NCAM1: variants seen among roughly 807,000 people sequenced by gnomAD.
The protein encoded by NCAM1 is neural cell adhesion molecule 1, also known as antigen recognized by monoclonal antibody 5.1H11.
Under a neutral mutation model 109.8 loss-of-function variants are expected in NCAM1, and 14 were observed. That is an observed-to-expected ratio of 0.13 (90% CI 0.08 to 0.20). The LOEUF (loss-of-function observed/expected upper bound fraction) is 0.20, where lower values mean the gene tolerates loss of function less well. Ranked by LOEUF, NCAM1 falls within the 10% of genes least tolerant of loss-of-function variation. The pLI is 1.00. For synonymous variants in NCAM1, 418 were observed against 442.9 expected (o/e 0.94, Z 0.70); for missense variants, 774 against 1,109.9 (o/e 0.70, Z 4.30).
chr11:113,219,460 C>T (rs1944624744), intron 8 of NCAM1, among the ~76,000 whole-genome samples: 1 of 152,172 alleles, frequency 6.6e-6, no homozygotes, highest in Non-Finnish European at 1.5e-5. Context: ...GTGTGTAAGA[C>T]AATAAAATAT....
intron 7 of NCAM1, among the ~76,000 whole-genome samples, chr11:113,212,625 T>C (rs536666197): frequency 6.6e-6 from 1 of 152,352 alleles, no homozygotes; most frequent in African/African-American, 2.4e-5. Context: ...GTTTAGCGAA[T>C]TCAGTTGTAT....
chr11:113,117,874 G>C (rs1386830993), intron 1 of NCAM1, among the ~76,000 whole-genome samples: 1 of 151,978 alleles, frequency 6.6e-6, no homozygotes, highest in East Asian at 1.9e-4. Context: ...GGAGGAAAAA[G>C]GAAGACAGAT....
Position 113,205,379 on chromosome 11 carries a change from G to A in NCAM1, c.347-144G>A, listed in dbSNP as rs565570485. 7.0e-5 allele frequency: 72 copies of A among 1,029,966 alleles called. No individual in the cohort carries two copies. The African/African-American group carries it at 7.6e-4, about 11-fold the overall frequency. The allele number at this position is 1,029,966 out of a possible 1,614,324, so 63.8% of individuals were successfully genotyped here. A position where few individuals can be genotyped will look rare whatever the true frequency, so the allele number is the denominator to read the frequency against. On this transcript the variant is annotated intron_variant, in intron 3 of 19. Coordinates refer to ENST00000316851, the MANE Select transcript of NCAM1 (RefSeq NM_181351.5). ...GCTTGGGCCAGCTGCTCTGCCTGAC[G>A]TCTCTGAGGGTGCCCCTCTTATACA...
At chr11:113,077,143 A>AT (rs1938562236) in intron 1 of NCAM1, among the ~76,000 whole-genome samples, 1 of 152,156 alleles carries the variant, frequency 6.6e-6, no homozygotes, top group African/African-American at 2.4e-5. Context: ...GGAACCTGTA[A>AT]TTAGGTGGAG....
rs1950559892 is a variant in NCAM1, at chr11:112,961,583, A to G, written c.-30A>G. 7.2e-7 allele frequency: 1 copy of G among 1,398,158 alleles called. No homozygotes were observed. The highest frequency in any genetic ancestry group is 1.0e-6 in the Non-Finnish European group (1 of 985,172). The allele number at this position is 1,398,158 out of a possible 1,614,324, so 86.6% of individuals were successfully genotyped here. A position where few individuals can be genotyped will look rare whatever the true frequency, so the allele number is the denominator to read the frequency against. On this transcript the variant is annotated 5_prime_UTR_variant, in exon 1 of 20. Coordinates refer to ENST00000316851, the MANE Select transcript of NCAM1 (RefSeq NM_181351.5). ...GGGGGGGCACAGAATTTACCGCGGC[A>G]AGAACATCCCTCCCAGCCAGCAGAT...
chr11:113,155,376 G>A (rs1942371078), intron 1 of NCAM1, among the ~76,000 whole-genome samples: 1 of 151,990 alleles, frequency 6.6e-6, no homozygotes, highest in South Asian at 2.1e-4. Flanking sequence ...GGGTGTGGTG[G>A]TGGGTACCTG....
intron 1 of NCAM1, among the ~76,000 whole-genome samples, chr11:113,111,465 A>G (rs1213899339): frequency 3.3e-5 from 5 of 152,214 alleles, no homozygotes; most frequent in African/African-American, 1.2e-4. Flanking sequence ...AGAATAAGCA[A>G]TACTACAAGG....
chr11:113,244,345 C>T (rs980924706), intron 14 of NCAM1, among the ~76,000 whole-genome samples: 1 of 152,100 alleles, frequency 6.6e-6, no homozygotes, highest in Admixed American at 6.5e-5. Context: ...ACATTTCTGC[C>T]CACAGACAAA....
At chr11:113,250,218 G>A (rs1337662452) in intron 15 of NCAM1, among the ~76,000 whole-genome samples, 3 of 152,202 alleles carry the variant, frequency 2.0e-5, no homozygotes, top group Non-Finnish European at 1.5e-5. Context: ...GGGACTGTCC[G>A]AAAGTCACTC....
At chr11:113,141,992 A>C (rs909898829) in intron 1 of NCAM1, among the ~76,000 whole-genome samples, 1 of 152,150 alleles carries the variant, frequency 6.6e-6, no homozygotes, top group African/African-American at 2.4e-5. Context: ...TTTTAACTAG[A>C]TGGGAATAAG....
chr11:113,265,309 C>T (rs1946115755), intron 17 of NCAM1: 1 of 319,896 alleles, frequency 3.1e-6, no homozygotes, highest in Non-Finnish European at 4.5e-6. Context: ...GAAATAGTAG[C>T]CTGGTGAATG....
chr11:113,265,118 C>T, intron 17 of NCAM1: 1 of 985,354 alleles, frequency 1.0e-6, no homozygotes, highest in Non-Finnish European at 1.2e-6. Flanking sequence ...AGAATGCTAA[C>T]ATTGTTGTGT....
intron 1 of NCAM1, 35 bp from the exon 2 acceptor site, chr11:113,202,344 T>TTTTTTGTTTTG (rs1944091129): frequency 1.3e-6 from 2 of 1,522,248 alleles, no homozygotes; most frequent in Non-Finnish European, 1.8e-6. Context: ...TTTTTTTTGT[T>TTTTTTGTTTTG]TTTTGTTTTG....
intron 9 of NCAM1, chr11:113,231,419 C>CAT: frequency 9.7e-7 from 1 of 1,028,866 alleles, no homozygotes. Context: ...AACTGAGTCT[C>CAT]ATTTTCTGTT....
intron 17 of NCAM1, among the ~76,000 whole-genome samples, chr11:113,267,320 AG>A (rs1485053168): frequency 6.6e-6 from 1 of 152,050 alleles, no homozygotes; most frequent in Non-Finnish European, 1.5e-5. Context: ...GGGATGTCCT[AG>A]GGGGGATGGC....
intron 1 of NCAM1, among the ~76,000 whole-genome samples, chr11:113,140,986 A>G (rs1941798076): frequency 6.6e-6 from 1 of 152,200 alleles, no homozygotes; most frequent in Non-Finnish European, 1.5e-5. Flanking sequence ...TACTAGGAAT[A>G]GTAGAACTAT....
In NCAM1 at chr11:113,214,586, C is replaced by A; in HGVS notation, c.1059+75C>A. The A allele has an allele frequency of 2.0e-6, 3 of 1,485,602 alleles. 1 individual carries two copies. The highest frequency in any genetic ancestry group is 2.6e-5 in the South Asian group (2 of 77,718). The allele number at this position is 1,485,602 out of a possible 1,614,324, so 92.0% of individuals were successfully genotyped here. A position where few individuals can be genotyped will look rare whatever the true frequency, so the allele number is the denominator to read the frequency against. Reference sequence around the variant, plus strand: ...AGATTGAGTCTGCTCATGCCCAGTTCTCTTTGGGGAGCTGGGAGATGGGTT... The same window carrying A: ...AGATTGAGTCTGCTCATGCCCAGTTATCTTTGGGGAGCTGGGAGATGGGTT... On this transcript the variant is annotated intron_variant, in intron 8 of 19. Transcript: ENST00000316851.
At chr11:113,179,276 T>C (rs1329371576) in intron 1 of NCAM1, among the ~76,000 whole-genome samples, 1 of 152,270 alleles carries the variant, frequency 6.6e-6, no homozygotes, top group Non-Finnish European at 1.5e-5. Flanking sequence ...TGTATGATTA[T>C]GTGTGTACCC....
At chr11:113,259,997 G>A (rs1555122982) in intron 16 of NCAM1, 149 bp from the exon 17 acceptor site, 8 of 650,634 alleles carry the variant, frequency 1.2e-5, no homozygotes, top group Admixed American at 3.3e-5. Context: ...GAGCCACCGC[G>A]CCCACCCCCA....
Sources: gnomAD v4.1 joint callset for allele counts (sites outside exome capture counted in the v4.1 genomes callset) on GRCh38, gnomAD v4.1.1 for gene constraint, MANE v1.5 for transcripts, NCBI Gene and HGNC (gene_info 2026-07-23, HGNC 2026-07-21) for gene names.